MIS18BP1: variants seen among roughly 807,000 people sequenced by gnomAD.
MIS18BP1 encodes MIS18 binding protein 1, also known as mis18-binding protein 1.
Under a neutral mutation model 116.1 loss-of-function variants are expected in MIS18BP1, and 72 were observed. The observed-to-expected ratio is 0.62, with a 90% CI of 0.51 to 0.75. The LOEUF (loss-of-function observed/expected upper bound fraction) is 0.75, where lower values mean the gene tolerates loss of function less well. Ranked by LOEUF, MIS18BP1 falls within the 30% of genes least tolerant of loss-of-function variation. MIS18BP1 has a pLI of 0.00. For synonymous variants in MIS18BP1, 386 were observed against 427.0 expected, an observed-to-expected ratio of 0.90 and a Z score of 1.18; for missense variants, 1,363 against 1,303.2, an observed-to-expected ratio of 1.05 and a Z score of -0.71.
chr14:45,204,528 C>T, intron 15 of MIS18BP1, 75 bp from the exon 16 acceptor site: 1 of 1,063,404 alleles, frequency 9.4e-7, no homozygotes, highest in East Asian at 2.5e-5. Flanking sequence ...CAAAATTAAG[C>T]ATGCTTATCC....
At position 45,231,054 on chromosome 14, in the gene MIS18BP1, C is replaced by T. The variant is rs528035250; in HGVS notation, c.1594+87G>A. ...AAAGAATACTATACTATACACATTA[C>T]TACTATACACATTATAAACCATAAA... On this transcript the variant is annotated intron_variant, in intron 8 of 16. Coordinates refer to ENST00000310806, the MANE Select transcript of MIS18BP1 (RefSeq NM_018353.5). 2.0e-5 allele frequency: 28 copies of T among 1,390,180 alleles called. 1 individual carries two copies. The highest frequency in any genetic ancestry group is 9.7e-5 in the South Asian group (7 of 71,926). The allele number at this position is 1,390,180 out of a possible 1,614,324, so 86.1% of individuals were successfully genotyped here.
intron 9 of MIS18BP1, among the ~76,000 whole-genome samples, chr14:45,227,425 C>A (rs964828297): frequency 3.3e-5 from 5 of 151,502 alleles, no homozygotes; most frequent in Non-Finnish European, 7.4e-5. Flanking sequence ...GAGAATCACT[C>A]GAACCCAGGA....
intron 11 of MIS18BP1, among the ~76,000 whole-genome samples, chr14:45,223,066 A>AAAAACAAAAC (rs79248229): frequency 8.7e-4 from 132 of 151,988 alleles, no homozygotes; most frequent in Admixed American, 2.2e-3. Context: ...GAGAAAAGAC[A>AAAAACAAAAC]AAAACAAAAC....
intron 2 of MIS18BP1, among the ~76,000 whole-genome samples, chr14:45,246,035 C>T (rs926081103): frequency 6.6e-6 from 1 of 152,172 alleles, no homozygotes; most frequent in Non-Finnish European, 1.5e-5. Context: ...AAGCCAACAC[C>T]GGCTGTCATC....
chr14:45,249,252 C>G lies in MIS18BP1; in HGVS notation c.-91-1875G>C, dbSNP rs537440679. The stretch of plus-strand genomic sequence containing the variant: ...GATCACAGGCACATGCCACCCCACC[C>G]GGCTAATTTTTGTATTTTTAGTAGA... On this transcript the variant is annotated intron_variant, in intron 1 of 16. Coordinates refer to ENST00000310806, the MANE Select transcript of MIS18BP1 (RefSeq NM_018353.5). Among the ~76,000 whole-genome samples, 3 of 152,088 alleles carry G rather than the reference C, an allele frequency of 2.0e-5. No homozygotes were observed. In the South Asian group the frequency reaches 6.2e-4, roughly 31 times the overall value.
At chr14:45,250,027 C>T (rs1224796252) in intron 1 of MIS18BP1, 2 of 152,052 alleles carry the variant, frequency 1.3e-5, no homozygotes, top group South Asian at 4.2e-4. Flanking sequence ...AAAACAGAAC[C>T]AACCTGTAAT....
chr14:45,218,277 G>A lies in MIS18BP1; in HGVS notation c.2842+5C>T, dbSNP rs760282440. On this transcript the variant is annotated splice_donor_5th_base_variant and intron_variant, in intron 12 of 16. Transcript: ENST00000310806. ...AGGAAAAAAACTATTTACTACGAAG[G>A]TTACCATTTTGGCCTTTGGAATTGG... is the stretch of plus-strand genomic sequence containing the variant. The A allele has an allele frequency of 6.2e-7, 1 of 1,613,084 alleles. No individual in the cohort carries two copies. The highest frequency in any genetic ancestry group is 2.2e-5 in the East Asian group (1 of 44,824).
chr14:45,237,704 T>C lies in MIS18BP1; in HGVS notation c.1161A>G (p.Glu387=), dbSNP rs554618008. 1.2e-6 allele frequency: 2 copies of C among 1,602,992 alleles called. No individual in the cohort carries two copies. The highest frequency in any genetic ancestry group is 2.3e-5 in the South Asian group (2 of 88,884). Residue 387 remains glutamate, a synonymous_variant, in exon 5 of 17, where the codon GAA becomes GAG. Transcript: ENST00000310806. ...TATTATTGATGCTTTTAATCATCCATTCCTGTAGCTGAACTACCTAATCAA... is the reference window on the plus strand; with the variant it reads ...TATTATTGATGCTTTTAATCATCCACTCCTGTAGCTGAACTACCTAATCAA... The part of the protein sequence containing the change: ...LKKNQVVQLQ[E]WMIKSINNNT...
At chr14:45,234,412 A>G (rs1211527251) in intron 6 of MIS18BP1, among the ~76,000 whole-genome samples, 1 of 152,110 alleles carries the variant, frequency 6.6e-6, no homozygotes, top group Non-Finnish European at 1.5e-5. Flanking sequence ...AGAGAAAATG[A>G]GAGCTAGTGT....
Position 45,218,284 on chromosome 14 carries a change from T to C in MIS18BP1, c.2840A>G (p.Asn947Ser). 1.2e-6 allele frequency: 2 copies of C among 1,613,806 alleles called. No homozygotes were observed. Among genetic ancestry groups the C allele is most frequent in the Non-Finnish European group, 1.7e-6 (2 of 1,179,924 alleles). The change falls in exon 12 of 17, where the codon AAT (asparagine) becomes AGT (serine). Residue 947 changes from asparagine (N) to serine (S), a missense_variant and splice_region_variant. Transcript: ENST00000310806. ...KKKPANSKGQNGKRGDADQKQ... is the reference protein window; with the variant it reads ...KKKPANSKGQSGKRGDADQKQ... ...AAACTATTTACTACGAAGGTTACCA[T>C]TTTGGCCTTTGGAATTGGCTGGCTT...
At chr14:45,214,058 C>A (rs912930465) in intron 13 of MIS18BP1, among the ~76,000 whole-genome samples, 1 of 152,292 alleles carries the variant, frequency 6.6e-6, no homozygotes, top group Middle Eastern at 3.4e-3. Context: ...AGGTATTGTC[C>A]AAGGTTTCTC....
At chr14:45,243,322 A>G (rs1891636102) in intron 2 of MIS18BP1, among the ~76,000 whole-genome samples, 1 of 152,182 alleles carries the variant, frequency 6.6e-6, no homozygotes, top group African/African-American at 2.4e-5. Context: ...TTATTCTTTA[A>G]AAATTAAAAT....
At chr14:45,252,114 C>T (rs1891891300) in intron 1 of MIS18BP1, among the ~76,000 whole-genome samples, 1 of 152,128 alleles carries the variant, frequency 6.6e-6, no homozygotes, top group Non-Finnish European at 1.5e-5. Flanking sequence ...GGTCACTTGA[C>T]AATAAGTGAG....
At position 45,204,195 on chromosome 14, in the gene MIS18BP1, C is replaced by T. The variant is rs1890446766; in HGVS notation, c.3313G>A (p.Gly1105Ser). The T allele has an allele frequency of 6.2e-7, 1 of 1,609,472 alleles. No homozygotes were observed. The highest frequency in any genetic ancestry group is 1.3e-5 in the African/African-American group (1 of 74,658). The change falls in exon 17 of 17, where the codon GGT becomes AGT. Residue 1105 changes from glycine to serine, a missense_variant. Transcript: ENST00000310806. ...GCATTAGTGAAAAGTTTTCCAATAC[C>T]AGAGTTTTCTCCTAAGTCTGTAAAG... is the stretch of plus-strand genomic sequence containing the variant. ...PFNTDLGENS[G>S]IGKLFTNAVE...
At position 45,231,147 on chromosome 14, in the gene MIS18BP1, T is replaced by C. The variant is rs1891262916; in HGVS notation, c.1588A>G (p.Asn530Asp). ...AAGTAAAGACAAAACATACCCAAAT[T>C]ATCACAATCAAAATCGTAAGTGGTG... ...ATTTYDFDCD[N>D]LELKSNKHSE... Residue 530 changes from asparagine (N) to aspartate (D), a missense_variant, in exon 8 of 17, where the codon AAT becomes GAT. Physicochemically the swap from Asn to Asp is conservative, Grantham distance 23. Transcript: ENST00000310806. 6.2e-7 allele frequency: 1 copy of C among 1,610,738 alleles called. No individual in the cohort carries two copies. The highest frequency in any genetic ancestry group is 2.2e-5 in the East Asian group (1 of 44,816).
chr14:45,234,563 C>A (rs544728743), intron 6 of MIS18BP1, among the ~76,000 whole-genome samples: 1 of 152,158 alleles, frequency 6.6e-6, no homozygotes, highest in South Asian at 2.1e-4. Flanking sequence ...CTCTCCCCTA[C>A]TTTGCCCATC....
intron 10 of MIS18BP1, among the ~76,000 whole-genome samples, chr14:45,226,001 A>C (rs542016633): frequency 6.6e-6 from 1 of 152,076 alleles, no homozygotes; most frequent in Non-Finnish European, 1.5e-5. Flanking sequence ...CTGGCATCAT[A>C]TATCTTCAAA....
intron 15 of MIS18BP1, among the ~76,000 whole-genome samples, chr14:45,205,746 T>C (rs1046954609): frequency 1.3e-5 from 2 of 152,258 alleles, no homozygotes; most frequent in Non-Finnish European, 2.9e-5. Context: ...TCTGAATTAT[T>C]CTTCAATCCT....
Position 45,224,464 on chromosome 14 carries a change from C to T in MIS18BP1, c.2123G>A (p.Ser708Asn), listed in dbSNP as rs747307580. The T allele has an allele frequency of 1.2e-6, 2 of 1,613,794 alleles. No homozygotes were observed. The highest frequency in any genetic ancestry group is 2.2e-5 in the South Asian group (2 of 91,032). ...TLENTFEGHK[S>N]KNKEDCDERD... ...TTCATCGCAATCTTCCTTGTTTTTA[C>T]TTTTATGACCTTCAAATGTATTTTC... The change falls in exon 11 of 17, where the codon AGT (serine) becomes AAT (asparagine). Residue 708 changes from serine (S) to asparagine (N), a missense_variant. Ser to Asn is a conservative substitution (Grantham distance 46). Coordinates refer to ENST00000310806, the MANE Select transcript of MIS18BP1 (RefSeq NM_018353.5).
Sources: allele counts gnomAD v4.1 joint callset (sites outside exome capture counted in the v4.1 genomes callset), GRCh38; gene constraint gnomAD v4.1.1; transcripts MANE v1.5; gene names NCBI Gene and HGNC (gene_info 2026-07-23, HGNC 2026-07-21).